Variants in LRBA observed in about 807,000 individuals in gnomAD.
LRBA encodes the protein lipopolysaccharide-responsive and beige-like anchor protein.
Under a neutral mutation model 330.0 loss-of-function variants are expected in LRBA, and 176 were observed. That is an observed-to-expected ratio of 0.53 (90% confidence interval 0.47 to 0.60). LRBA has a LOEUF of 0.60. Among genes scored for constraint, LRBA ranks in the 20% least tolerant of loss-of-function variants. The pLI is 0.00. For missense variants in LRBA, 3,259 were observed against 3,444.8 expected (o/e 0.95, Z 1.35); for synonymous variants, 1,230 against 1,193.0 (o/e 1.03, Z -0.64).
chr4:150,692,214 G>GTTTA (rs1429764725), intron 36 of LRBA, among the ~76,000 whole-genome samples: 1 of 151,870 alleles, frequency 6.6e-6, no homozygotes, highest in Non-Finnish European at 1.5e-5. Context: ...GTGTTTGTTT[G>GTTTA]TTTGTTTGTT....
chr4:150,509,681 A>G (rs533306353), intron 40 of LRBA, among the ~76,000 whole-genome samples: 11 of 152,062 alleles, frequency 7.2e-5, no homozygotes, highest in Admixed American at 3.9e-4. Context: ...GAGATTAGGG[A>G]AAAAAAATAG....
chr4:150,946,820 T>C (rs1023054242), intron 2 of LRBA, among the ~76,000 whole-genome samples: 3 of 151,452 alleles, frequency 2.0e-5, no homozygotes, highest in Non-Finnish European at 4.4e-5. Context: ...ATCAATAAAA[T>C]TGACAAACCT....
intron 40 of LRBA, among the ~76,000 whole-genome samples, chr4:150,551,923 G>C (rs1383544165): frequency 6.6e-6 from 1 of 152,048 alleles, no homozygotes; most frequent in Non-Finnish European, 1.5e-5. Context: ...AACTGATTTC[G>C]TGGAAGACAA....
chr4:150,806,906 G>A (rs1366129178), intron 32 of LRBA, among the ~76,000 whole-genome samples: 1 of 151,878 alleles, frequency 6.6e-6, no homozygotes, highest in Non-Finnish European at 1.5e-5. Context: ...CTAATGCAAT[G>A]TGAATGATTT....
At chr4:150,648,593 A>C (rs144791845) in intron 37 of LRBA, among the ~76,000 whole-genome samples, 2 of 151,896 alleles carry the variant, frequency 1.3e-5, no homozygotes, top group Non-Finnish European at 2.9e-5. Context: ...GAAAGGATAG[A>C]GTACTGCCTC....
At chr4:150,449,522 G>GAA (rs767614620) in intron 44 of LRBA, among the ~76,000 whole-genome samples, 14 of 106,560 alleles carry the variant, frequency 1.3e-4, no homozygotes, top group South Asian at 3.2e-4. Flanking sequence ...TCTACTTCTG[G>GAA]AAAAAAAAAA....
Position 150,778,913 on chromosome 4 carries a change from T to C in LRBA, c.5581-17066A>G, listed in dbSNP as rs546829941. On this transcript the variant is annotated intron_variant, in intron 34 of 56. Coordinates refer to ENST00000651943, the MANE Select transcript of LRBA (RefSeq NM_001364905.1). Reference sequence around the variant, plus strand: ...ATTAGAGACTTCTGGAGGGGAAACATGAAAGACTTCCATTAAAACTATATA... The same window carrying C: ...ATTAGAGACTTCTGGAGGGGAAACACGAAAGACTTCCATTAAAACTATATA... 1.9e-4 allele frequency among the ~76,000 whole-genome samples: 29 copies of C among 152,310 alleles called. 2 individuals carry two copies. The South Asian group carries it at 5.6e-3, about 29-fold the overall frequency.
chr4:150,598,289 T>A, intron 38 of LRBA, among the ~76,000 whole-genome samples: 1 of 152,078 alleles, frequency 6.6e-6, no homozygotes, highest in East Asian at 1.9e-4. Context: ...CTTTCAAAAA[T>A]CATAAAATAA....
chr4:150,916,373 A>G (rs750916131), intron 7 of LRBA, 28 bp downstream of exon 7: 3 of 1,604,034 alleles, frequency 1.9e-6, no homozygotes, highest in South Asian at 2.2e-5. Flanking sequence ...GCTTGTTAAC[A>G]TAACTATGAC....
intron 44 of LRBA, among the ~76,000 whole-genome samples, chr4:150,450,495 A>C (rs1353070772): frequency 6.6e-6 from 1 of 152,146 alleles, no homozygotes; most frequent in East Asian, 1.9e-4. Flanking sequence ...CCATCGTCAT[A>C]TAGTGTTCTC....
At chr4:150,685,414 ATATATATTTT>A (rs1442504263) in intron 36 of LRBA, among the ~76,000 whole-genome samples, 1 of 19,388 alleles carries the variant, frequency 5.2e-5, no homozygotes. Flanking sequence ...ATATATATAT[ATATATATTTT>A]TTTTTTTTTT....
intron 55 of LRBA, among the ~76,000 whole-genome samples, chr4:150,279,739 G>T (rs527781761): frequency 1.3e-4 from 20 of 152,224 alleles, no homozygotes; most frequent in Admixed American, 1.0e-3. Flanking sequence ...TCTAAGTTTT[G>T]TTAACACAGA....
intron 2 of LRBA, among the ~76,000 whole-genome samples, chr4:150,965,563 G>A (rs1368016248): frequency 6.6e-6 from 1 of 151,942 alleles, no homozygotes; most frequent in Non-Finnish European, 1.5e-5. Context: ...TTTGAGACAG[G>A]GTCTCACTCT....
intron 37 of LRBA, among the ~76,000 whole-genome samples, chr4:150,642,475 G>T (rs1438648964): frequency 6.6e-6 from 1 of 151,782 alleles, no homozygotes; most frequent in East Asian, 1.9e-4. Flanking sequence ...CATGTGAAAT[G>T]ATGTAATAGA....
chr4:150,340,291 G>A (rs553859265), intron 48 of LRBA, among the ~76,000 whole-genome samples: 6 of 152,080 alleles, frequency 3.9e-5, no homozygotes, highest in African/African-American at 1.4e-4. Context: ...TATTACTTTT[G>A]GTTAGAGTTC....
intron 40 of LRBA, among the ~76,000 whole-genome samples, chr4:150,530,407 G>A (rs1425364153): frequency 2.6e-5 from 4 of 152,086 alleles, no homozygotes; most frequent in Non-Finnish European, 5.9e-5. Flanking sequence ...CATATCCCTT[G>A]GCAATTTCAA....
chr4:150,915,608 A>G lies in LRBA; in HGVS notation c.1014T>C (p.Asp338=), dbSNP rs758442634. Reference sequence around the variant, plus strand: ...ATTGCAACATTTTGAAACTACTTACATCGCTAGTGTTGACAAACCATGTTA... The same window carrying G: ...ATTGCAACATTTTGAAACTACTTACGTCGCTAGTGTTGACAAACCATGTTA... The part of the protein sequence containing the change: ...GEITWFVNTS[D]TFDKCFLGSS... The change falls in exon 8 of 57, where the codon GAT becomes GAC. Residue 338 remains aspartate, a splice_region_variant and synonymous_variant. Transcript: ENST00000651943. The G allele has an allele frequency of 6.9e-6, 11 of 1,604,036 alleles. No individual in the cohort carries two copies. The South Asian group carries it at 1.0e-4, about 15-fold the overall frequency.
At chr4:150,374,009 C>T (rs1428586969) in intron 47 of LRBA, among the ~76,000 whole-genome samples, 1 of 152,180 alleles carries the variant, frequency 6.6e-6, no homozygotes, top group Non-Finnish European at 1.5e-5. Context: ...CCACTAACAT[C>T]CCAGAATCAC....
intron 37 of LRBA, among the ~76,000 whole-genome samples, chr4:150,672,984 G>A (rs1782201585): frequency 6.6e-6 from 1 of 152,206 alleles, no homozygotes; most frequent in South Asian, 2.1e-4. Context: ...ACAAATGACT[G>A]ACTGATTTAG....
Sources: gnomAD v4.1 joint callset for allele counts (sites outside exome capture counted in the v4.1 genomes callset) on GRCh38, gnomAD v4.1.1 for gene constraint, MANE v1.5 for transcripts, NCBI Gene and HGNC (gene_info 2026-07-23, HGNC 2026-07-21) for gene names.